Variants in MAP2K5 observed in about 807,000 individuals in gnomAD.
MAP2K5 encodes dual specificity mitogen-activated protein kinase kinase 5.
In MAP2K5, 49 loss-of-function variants were observed where a neutral mutation model predicts 83.1. The observed-to-expected ratio is 0.59, with a 90% CI of 0.47 to 0.75. MAP2K5 has a LOEUF of 0.75. Among genes scored for constraint, MAP2K5 ranks in the 30% least tolerant of loss-of-function variants. The pLI is 0.00. For synonymous variants in MAP2K5, 202 were observed against 191.8 expected, an observed-to-expected ratio of 1.05 and a Z score of -0.44; for missense variants, 457 against 557.5, an observed-to-expected ratio of 0.82 and a Z score of 1.82.
intron 16 of MAP2K5, among the ~76,000 whole-genome samples, chr15:67,705,141 T>C (rs183572719): frequency 6.6e-6 from 1 of 152,306 alleles, no homozygotes; most frequent in East Asian, 1.9e-4. Flanking sequence ...AGTGATAAAA[T>C]GACATAAAAT....
intron 8 of MAP2K5, among the ~76,000 whole-genome samples, chr15:67,613,481 T>C (rs1002812894): frequency 6.6e-6 from 1 of 152,188 alleles, no homozygotes; most frequent in African/African-American, 2.4e-5. Flanking sequence ...ATAAGCAAGA[T>C]GAATGCTTGA....
intron 8 of MAP2K5, among the ~76,000 whole-genome samples, chr15:67,630,475 A>G (rs540493031): frequency 6.6e-6 from 1 of 152,064 alleles, no homozygotes; most frequent in Non-Finnish European, 1.5e-5. Flanking sequence ...AAAAAAAGCA[A>G]AATGGCTCTG....
Position 67,769,577 on chromosome 15 carries a change from G to A in MAP2K5, c.1135-25G>A. 6.2e-7 allele frequency: 1 copy of A among 1,611,696 alleles called. No homozygotes were observed. The highest frequency in any genetic ancestry group is 2.2e-5 in the East Asian group (1 of 44,840). ...AGAGAAGGAACTGTTGTGACTTTTG[G>A]TGACATGTTTTTCCTCCATCACAGG... On this transcript the variant is annotated intron_variant, in intron 19 of 21. Coordinates refer to ENST00000178640, the MANE Select transcript of MAP2K5 (RefSeq NM_145160.3). The surrounding 1 kb of genome is among the most constrained non-coding windows in gnomAD (Gnocchi z 5.2).
In MAP2K5 at chr15:67,621,253, T is replaced by A. The variant is rs188754536; in HGVS notation, c.546-9635T>A. Among the ~76,000 whole-genome samples the A allele has an allele frequency of 4.1e-3, 625 of 152,056 alleles. 4 individuals carry two copies. The highest frequency in any genetic ancestry group is 0.027 in the South Asian group (132 of 4,824). ...CAACTGAACCACAAATACCATGTATTAATATGAAAACTCCTGAGATGCACC... is the reference window on the plus strand; with the variant it reads ...CAACTGAACCACAAATACCATGTATAAATATGAAAACTCCTGAGATGCACC... On this transcript the variant is annotated intron_variant, in intron 8 of 21. Transcript: ENST00000178640.
At chr15:67,784,550 C>T (rs982257574) in intron 21 of MAP2K5, among the ~76,000 whole-genome samples, 1 of 152,230 alleles carries the variant, frequency 6.6e-6, no homozygotes, top group Non-Finnish European at 1.5e-5. Flanking sequence ...TGGCTGCACA[C>T]ACTCTCCACC....
At chr15:67,673,190 T>C (rs946252067) in intron 13 of MAP2K5, among the ~76,000 whole-genome samples, 3 of 152,186 alleles carry the variant, frequency 2.0e-5, no homozygotes, top group South Asian at 4.1e-4. Flanking sequence ...TTTTTCCAAT[T>C]CTGGAACACT....
intron 16 of MAP2K5, among the ~76,000 whole-genome samples, chr15:67,715,997 G>T (rs527779027): frequency 6.6e-6 from 1 of 152,234 alleles, no homozygotes; most frequent in South Asian, 2.1e-4. Context: ...CAGATATAAG[G>T]TTAGACAAGA....
intron 19 of MAP2K5, among the ~76,000 whole-genome samples, chr15:67,753,570 G>A (rs193276312): frequency 4.6e-4 from 70 of 151,818 alleles, no homozygotes; most frequent in African/African-American, 1.6e-3. Context: ...ATAAACAAAT[G>A]GTCAATAAGC....
At position 67,793,057 on chromosome 15, in the gene MAP2K5, A is replaced by T. The variant is rs2090545296; in HGVS notation, c.1243-13589A>T. 6.6e-6 allele frequency among the ~76,000 whole-genome samples: 1 copy of T among 152,266 alleles called. No homozygotes were observed. The highest frequency in any genetic ancestry group is 2.4e-5 in the African/African-American group (1 of 41,470). ...TCTTTATAAAATCAAACTTTAAAAA[A>T]TTACAAGCAAGAGGTCTTAAATGTG... On this transcript the variant is annotated intron_variant, in intron 21 of 21. Coordinates refer to ENST00000178640, the MANE Select transcript of MAP2K5 (RefSeq NM_145160.3). The surrounding 1 kb of genome is among the most constrained non-coding windows in gnomAD (Gnocchi z 4.6).
In MAP2K5 at chr15:67,573,997, G is replaced by A. The variant is rs977861991; in HGVS notation, c.253-6757G>A. On this transcript the variant is annotated intron_variant, in intron 3 of 21. Transcript: ENST00000178640. This position sits in a 1 kb window ranked among gnomAD's most constrained non-coding sequence, Gnocchi z 4.2. ...CACCCAGCTCTGACTGGGTTTATTG[G>A]TGGAGCCATTCTTTTATTCCTTTAC... Among the ~76,000 whole-genome samples the A allele has an allele frequency of 6.6e-6, 1 of 152,176 alleles. No homozygotes were observed. The highest frequency in any genetic ancestry group is 2.4e-5 in the African/African-American group (1 of 41,438).
At chr15:67,583,288 C>T (rs1463413869) in intron 4 of MAP2K5, among the ~76,000 whole-genome samples, 5 of 151,868 alleles carry the variant, frequency 3.3e-5, no homozygotes, top group Non-Finnish European at 7.4e-5. Context: ...GTTTGGAGGG[C>T]TTGTTTTGGA....
intron 21 of MAP2K5, among the ~76,000 whole-genome samples, chr15:67,805,011 G>A (rs906685200): frequency 6.6e-6 from 1 of 152,208 alleles, no homozygotes; most frequent in Non-Finnish European, 1.5e-5. Flanking sequence ...CATGGCCCCT[G>A]TGCCCTTAGG....
chr15:67,657,451 TG>T (rs1236325625), intron 11 of MAP2K5, among the ~76,000 whole-genome samples: 2 of 152,170 alleles, frequency 1.3e-5, no homozygotes, highest in Non-Finnish European at 2.9e-5. Context: ...GAAAGATCAA[TG>T]AGAACATAAA....
chr15:67,583,552 T>G (rs796177541), intron 4 of MAP2K5, among the ~76,000 whole-genome samples: 17 of 152,324 alleles, frequency 1.1e-4, no homozygotes, highest in African/African-American at 4.1e-4. Context: ...ACATCGAATG[T>G]ACATTTTATC....
At chr15:67,596,986 A>G (rs2085540001) in intron 7 of MAP2K5, among the ~76,000 whole-genome samples, 1 of 152,046 alleles carries the variant, frequency 6.6e-6, no homozygotes, top group Non-Finnish European at 1.5e-5. Flanking sequence ...CCTGGCTAAC[A>G]TGGTGAAACC....
intron 16 of MAP2K5, among the ~76,000 whole-genome samples, chr15:67,716,075 G>T (rs1207317330): frequency 6.6e-6 from 1 of 152,192 alleles, no homozygotes; most frequent in Non-Finnish European, 1.5e-5. Context: ...GGCAGGCCCT[G>T]TGCTAGTCAC....
chr15:67,627,956 C>T lies in MAP2K5; in HGVS notation c.546-2932C>T, dbSNP rs1246746186. On this transcript the variant is annotated intron_variant, in intron 8 of 21. Coordinates refer to ENST00000178640, the MANE Select transcript of MAP2K5 (RefSeq NM_145160.3). ...TGAGAGCCTGAGGAGCCATTTTAAGCAATGGGGAACACTCACAGACTGTGG... is the reference window on the plus strand; with the variant it reads ...TGAGAGCCTGAGGAGCCATTTTAAGTAATGGGGAACACTCACAGACTGTGG... 1.3e-5 allele frequency: 10 copies of T among 765,586 alleles called. No homozygotes were observed. The African/African-American group carries it at 1.7e-4, about 13-fold the overall frequency. 47.4% of individuals were successfully genotyped at this position (765,586 alleles called of 1,614,324 possible). A position where few individuals can be genotyped will look rare whatever the true frequency, so the allele number is the denominator to read the frequency against.
chr15:67,685,822 A>C (rs149091893), intron 13 of MAP2K5, among the ~76,000 whole-genome samples: 1 of 152,234 alleles, frequency 6.6e-6, no homozygotes, highest in Non-Finnish European at 1.5e-5. Flanking sequence ...ATGGGCAAAA[A>C]TTGGGCCTTC....
At chr15:67,735,704 G>A (rs1279800897) in intron 17 of MAP2K5, among the ~76,000 whole-genome samples, 2 of 152,208 alleles carry the variant, frequency 1.3e-5, no homozygotes, top group African/African-American at 4.8e-5. Flanking sequence ...CGCTTGAGCC[G>A]AGGCTCTGAG....
Sources: allele counts gnomAD v4.1 joint callset (sites outside exome capture counted in the v4.1 genomes callset), GRCh38; gene constraint gnomAD v4.1.1; non-coding constraint Gnocchi (gnomAD v3.1); transcripts MANE v1.5; gene names NCBI Gene and HGNC (gene_info 2026-07-23, HGNC 2026-07-21).